Variants in KCNIP1 observed in about 807,000 individuals in gnomAD.
KCNIP1 encodes the protein potassium voltage-gated channel interacting protein 1.
Under a neutral mutation model 33.0 loss-of-function variants are expected in KCNIP1, and 18 were observed. The observed-to-expected ratio is 0.55, with a 90% CI of 0.38 to 0.81. KCNIP1 has a LOEUF of 0.81. KCNIP1 is among the 30% of genes least tolerant of loss of function. The probability of loss-of-function intolerance (pLI) is 0.00; values close to 1 mark genes in which losing one functional copy is unlikely to be tolerated. For synonymous variants in KCNIP1, 93 were observed against 98.3 expected (o/e 0.95, Z 0.32); for missense variants, 238 against 271.6 (o/e 0.88, Z 0.87).
At chr5:170,699,109 A>G (rs1469891635) in intron 1 of KCNIP1, among the ~76,000 whole-genome samples, 1 of 152,188 alleles carries the variant, frequency 6.6e-6, no homozygotes, top group Admixed American at 6.5e-5. Flanking sequence ...ATCTTTATGA[A>G]TTTCTTCATA....
intron 1 of KCNIP1, among the ~76,000 whole-genome samples, chr5:170,685,186 A>G (rs1762500494): frequency 6.6e-6 from 1 of 151,868 alleles, no homozygotes; most frequent in South Asian, 2.1e-4. Context: ...AGGACATCAA[A>G]TACTTTCCAT....
intron 1 of KCNIP1, among the ~76,000 whole-genome samples, chr5:170,358,207 G>A (rs996197420): frequency 1.3e-5 from 2 of 152,206 alleles, no homozygotes; most frequent in Non-Finnish European, 2.9e-5. Flanking sequence ...AAAGTGAGCA[G>A]AAGGGAGGAA....
chr5:170,546,016 G>A (rs1370443352), intron 1 of KCNIP1, among the ~76,000 whole-genome samples: 1 of 152,186 alleles, frequency 6.6e-6, no homozygotes, highest in Non-Finnish European at 1.5e-5. Flanking sequence ...GGAGAGTCAG[G>A]GTGAAGGCTG....
intron 1 of KCNIP1, chr5:170,642,250 G>A (rs1760595420): frequency 6.6e-6 from 1 of 152,622 alleles, no homozygotes. Flanking sequence ...CTGGTGGTCA[G>A]CCCTCCTCCT....
rs185801243 is a variant in KCNIP1 at position 170,407,208 on chromosome 5, G to A, written c.88+53244G>A. On this transcript the variant is annotated intron_variant, in intron 1 of 7. Coordinates refer to the KCNIP1 transcript ENST00000377360. ...AGAGTGACAGCATGCTACTGCTAGCGGGGGAAGCTGCACGTGCCATGGTTA... is the reference window on the plus strand; with the variant it reads ...AGAGTGACAGCATGCTACTGCTAGCAGGGGAAGCTGCACGTGCCATGGTTA... 3.6e-4 allele frequency among the ~76,000 whole-genome samples: 55 copies of A among 152,320 alleles called. No homozygotes were observed. The East Asian group carries it at 6.6e-3, about 18-fold the overall frequency.
chr5:170,399,447 A>G (rs1340435496), intron 1 of KCNIP1, among the ~76,000 whole-genome samples: 2 of 152,188 alleles, frequency 1.3e-5, no homozygotes, highest in East Asian at 1.9e-4. Context: ...GGCCTACATG[A>G]CCACTTTGTC....
At chr5:170,721,027 G>A (rs541369911) in intron 3 of KCNIP1, among the ~76,000 whole-genome samples, 6 of 152,332 alleles carry the variant, frequency 3.9e-5, no homozygotes, top group African/African-American at 1.2e-4. Flanking sequence ...GGACCACATC[G>A]GTGACTCCTC....
intron 7 of KCNIP1, among the ~76,000 whole-genome samples, chr5:170,734,748 CA>C (rs1386760672): frequency 6.6e-6 from 1 of 152,218 alleles, no homozygotes; most frequent in Non-Finnish European, 1.5e-5. Context: ...GAGCCCCCAT[CA>C]AGTTTCAAGC....
chr5:170,426,720 C>G (rs1316367198), intron 1 of KCNIP1, among the ~76,000 whole-genome samples: 2 of 152,252 alleles, frequency 1.3e-5, no homozygotes, highest in East Asian at 3.8e-4. Context: ...AGGAACAGTT[C>G]ACACTCCACC....
At position 170,675,882 on chromosome 5, in the gene KCNIP1, G is replaced by A. The variant is rs917212037; in HGVS notation, c.62-42876G>A. Among the ~76,000 whole-genome samples, 8 of 152,158 alleles carry A rather than the reference G, an allele frequency of 5.3e-5. No homozygotes were observed. In the East Asian group the frequency reaches 5.8e-4, roughly 11 times the overall value. On this transcript the variant is annotated intron_variant, in intron 1 of 7. Transcript: ENST00000328939. ...AATATTTATTGAGAAACTGCAACAC[G>A]CAAATAGATGTAAAAGGTTGAACAG... is the stretch of plus-strand genomic sequence containing the variant.
intron 1 of KCNIP1, among the ~76,000 whole-genome samples, chr5:170,676,054 G>GAGGGAGGAAGATGAAAGAAGGA (rs879794889): frequency 0.098 from 11,985 of 122,872 alleles, 2,180 homozygotes; most frequent in East Asian, 0.4. Flanking sequence ...GAGCAGAAAG[G>GAGGGAGGAAGATGAAAGAAGGA]AGGGAGGAAG....
chr5:170,449,686 G>A (rs974693548), intron 1 of KCNIP1, among the ~76,000 whole-genome samples: 2 of 152,176 alleles, frequency 1.3e-5, no homozygotes, highest in Non-Finnish European at 2.9e-5. Context: ...CAGTGCCGGC[G>A]GTGTATGTTA....
chr5:170,558,647 G>A (rs1345756765), intron 1 of KCNIP1, among the ~76,000 whole-genome samples: 1 of 152,184 alleles, frequency 6.6e-6, no homozygotes, highest in African/African-American at 2.4e-5. Context: ...GGGTGCTGCC[G>A]TTCAACCCAC....
chr5:170,627,240 G>A (rs10068508), intron 1 of KCNIP1, among the ~76,000 whole-genome samples: 32,472 of 152,130 alleles, frequency 0.21, 3,997 homozygotes, highest in African/African-American at 0.32. Flanking sequence ...AGAACCTGGG[G>A]CAAAGCTGTT....
At chr5:170,534,845 T>A (rs868528819) in intron 1 of KCNIP1, among the ~76,000 whole-genome samples, 1 of 146,802 alleles carries the variant, frequency 6.8e-6, no homozygotes, top group Non-Finnish European at 1.5e-5. Flanking sequence ...TTTTTTTTTT[T>A]AACAGAGGCT....
chr5:170,462,226 C>T (rs1756517656), intron 1 of KCNIP1, among the ~76,000 whole-genome samples: 1 of 117,044 alleles, frequency 8.5e-6, no homozygotes, highest in African/African-American at 3.3e-5. Context: ...TGACCAAGGA[C>T]TAATATCCAG....
intron 1 of KCNIP1, among the ~76,000 whole-genome samples, chr5:170,676,373 T>G (rs1034735810): frequency 2.0e-5 from 3 of 152,170 alleles, no homozygotes; most frequent in African/African-American, 7.2e-5. Flanking sequence ...CATTTTCCCA[T>G]TTTCGTCAGT....
chr5:170,573,926 C>T (rs1487098375), intron 1 of KCNIP1, among the ~76,000 whole-genome samples: 2 of 152,140 alleles, frequency 1.3e-5, no homozygotes, highest in African/African-American at 4.8e-5. Flanking sequence ...GAGTTGGGTA[C>T]TCTGTCTGTT....
rs1254490773 is a variant in KCNIP1, at chr5:170,461,508, T to G, written c.88+107544T>G. On this transcript the variant is annotated intron_variant, in intron 1 of 7. Coordinates refer to the KCNIP1 transcript ENST00000377360. Reference sequence around the variant, plus strand: ...GCTCACACCTGTAATCCCAGCACTTTGGGAGACCGAGGCAGGCGGATCACA... The same window carrying G: ...GCTCACACCTGTAATCCCAGCACTTGGGGAGACCGAGGCAGGCGGATCACA... Among the ~76,000 whole-genome samples, 25 of 152,160 alleles carry G rather than the reference T, an allele frequency of 1.6e-4. 1 individual carries two copies. The highest frequency in any genetic ancestry group is 2.9e-5 in the Non-Finnish European group (2 of 68,024).
Sources: allele counts gnomAD v4.1 joint callset (sites outside exome capture counted in the v4.1 genomes callset), GRCh38; gene constraint gnomAD v4.1.1; transcripts MANE v1.5; gene names NCBI Gene and HGNC (gene_info 2026-07-23, HGNC 2026-07-21).